Variants in DDOST observed in about 807,000 individuals in gnomAD.
The protein encoded by DDOST is dolichyl-diphosphooligosaccharide--protein glycosyltransferase non-catalytic subunit.
Under a neutral mutation model 47.6 loss-of-function variants are expected in DDOST, and 25 were observed. The observed-to-expected ratio is 0.53, with a 90% confidence interval of 0.38 to 0.73. The LOEUF (loss-of-function observed/expected upper bound fraction) is 0.73, where lower values mean the gene tolerates loss of function less well. DDOST is among the 30% of genes least tolerant of loss of function. DDOST has a pLI of 0.00. For missense variants in DDOST, 526 were observed against 573.9 expected (o/e 0.92, Z 0.85); for synonymous variants, 275 against 236.0 (o/e 1.17, Z -1.51).
At chr1:20,661,100 G>T in intron 1 of DDOST, 97 bp downstream of exon 1, 1 of 1,507,188 alleles carries the variant, frequency 6.6e-7, no homozygotes, top group Non-Finnish European at 9.1e-7. Context: ...CGGGCGGCCT[G>T]CTCCAGGAAA....
In DDOST at chr1:20,661,066, G is replaced by GC. The variant is rs142391409; in HGVS notation, c.155-76dup. ...CCCCTGCTGCAGACATCGCGGACCC[G>GC]CACGCCAAGCGGCAGGCCAGACCCG... On this transcript the variant is annotated intron_variant, in intron 1 of 10. Transcript: ENST00000602624. 1.9e-3 allele frequency: 2,855 copies of GC among 1,471,152 alleles called. 52 individuals are homozygous for GC. In the African/African-American group the frequency reaches 0.035, roughly 18 times the overall value. The allele number at this position is 1,471,152 out of a possible 1,614,324, so 91.1% of individuals were successfully genotyped here. A position where few individuals can be genotyped will look rare whatever the true frequency, so the allele number is the denominator to read the frequency against.
chr1:20,661,320 C>A lies in DDOST; in HGVS notation c.31G>T (p.Ala11Ser), dbSNP rs1265893362. The stretch of plus-strand genomic sequence containing the variant: ...AAGGGCAGCAGCAACCAAAAGAGGG[C>A]CCAAGCCCGGGCCGCGGTGCTGGGC... MEPSTAARAW[A>S]LFWLLLPLLG... The change falls in exon 1 of 11, where the codon GCC becomes TCC. Residue 11 changes from alanine (A) to serine (S), a missense_variant. Ala to Ser is a moderately conservative substitution (Grantham distance 99). Coordinates refer to ENST00000602624, the MANE Select transcript of DDOST (RefSeq NM_005216.5). 6.2e-7 allele frequency: 1 copy of A among 1,613,770 alleles called. No individual in the cohort carries two copies. The highest frequency in any genetic ancestry group is 1.1e-5 in the South Asian group (1 of 91,084).
intron 10 of DDOST, 21 bp downstream of exon 10, chr1:20,652,600 G>A (rs772707199): frequency 6.2e-7 from 1 of 1,614,134 alleles, no homozygotes; most frequent in Non-Finnish European, 8.5e-7. Flanking sequence ...GCTGAAAACA[G>A]AAGCTGTCAC....
intron 8 of DDOST, 132 bp downstream of exon 8, chr1:20,653,495 G>C (rs1267017754): frequency 1.1e-6 from 1 of 911,044 alleles, no homozygotes; most frequent in Non-Finnish European, 1.6e-6. Context: ...GCATGCTTAG[G>C]TGTAGGGATT....
In DDOST at chr1:20,655,767, C is replaced by T. The variant is rs763482311; in HGVS notation, c.365G>A (p.Arg122Gln). ...AATCCCGCACTCACTGCCCAGCTCT[C>T]GAAGAGGGTCACCTGCACAGACCGA... Reference protein sequence around the residue: ...AASSDIGDPLRELGSECGIEF... With the variant: ...AASSDIGDPLQELGSECGIEF... Residue 122 changes from arginine (R) to glutamine (Q), a missense_variant, in exon 4 of 11, where the codon CGA (arginine) becomes CAA (glutamine). Physicochemically the swap from Arg to Gln is conservative, Grantham distance 43. Transcript: ENST00000602624. The T allele has an allele frequency of 1.5e-5, 25 of 1,613,924 alleles. No individual in the cohort carries two copies. Among genetic ancestry groups the T allele is most frequent in the South Asian group, 8.8e-5 (8 of 91,092 alleles).
At position 20,652,639 on chromosome 1, in the gene DDOST, G is replaced by C; in HGVS notation, c.1152C>G (p.His384Gln). The change falls in exon 10 of 11, where the codon CAC becomes CAG. Residue 384 changes from histidine to glutamine, a missense_variant. Transcript: ENST00000602624. ...TGCTTACCTGAGTGGAAGAGTACAG[G>C]TGTGTGTAGCCTAGCCGGTTGTAAT... The part of the protein sequence containing the change: ...KVDYNRLGYT[H>Q]LYSSTQVSVR... 2 of 1,614,206 alleles carry C rather than the reference G, an allele frequency of 1.2e-6. No homozygotes were observed. The highest frequency in any genetic ancestry group is 1.7e-6 in the Non-Finnish European group (2 of 1,180,024).
chr1:20,661,315 G>C lies in DDOST; in HGVS notation c.36C>G (p.Leu12=), dbSNP rs143329944. The change falls in exon 1 of 11, where the codon CTC becomes CTG. Residue 12 remains leucine, a synonymous_variant. Transcript: ENST00000602624. The part of the protein sequence containing the change: ...EPSTAARAWA[L]FWLLLPLLGA... ...CAAGCAAGGGCAGCAGCAACCAAAAGAGGGCCCAAGCCCGGGCCGCGGTGC... is the reference window on the plus strand; with the variant it reads ...CAAGCAAGGGCAGCAGCAACCAAAACAGGGCCCAAGCCCGGGCCGCGGTGC... 1.4e-4 allele frequency: 221 copies of C among 1,613,828 alleles called. 1 individual carries two copies. In the African/African-American group the frequency reaches 2.2e-3, roughly 16 times the overall value.
rs1461006840 is a variant in DDOST, at chr1:20,655,507, T to C, written c.484A>G (p.Asn162Asp). 1 of 1,614,090 alleles carries C rather than the reference T, an allele frequency of 6.2e-7. No individual in the cohort carries two copies. The highest frequency in any genetic ancestry group is 1.1e-5 in the South Asian group (1 of 91,076). ...QHTLIVADTE[N>D]LLKAPTIVGK... ...ACGATGGTTGGGGCCTTCAGCAGGTTCTCAGTGTCAGCCACGATGAGCGTA... is the reference window on the plus strand; with the variant it reads ...ACGATGGTTGGGGCCTTCAGCAGGTCCTCAGTGTCAGCCACGATGAGCGTA... The change falls in exon 5 of 11, where the codon AAC (asparagine) becomes GAC (aspartate). Residue 162 changes from asparagine to aspartate, a missense_variant. Coordinates refer to ENST00000602624, the MANE Select transcript of DDOST (RefSeq NM_005216.5).
At position 20,652,874 on chromosome 1, in the gene DDOST, A is replaced by G. The variant is rs2053311997; in HGVS notation, c.1040T>C (p.Val347Ala). ...QLEFVRIDPF[V>A]RTFLKKKGGK... ...ACCTTTCTTCTTCAGGAAGGTCCTC[A>G]CAAAAGGATCAATGCGGACAAACTC... is the stretch of plus-strand genomic sequence containing the variant. Residue 347 changes from valine to alanine, a missense_variant, in exon 9 of 11, where the codon GTG becomes GCG. Coordinates refer to ENST00000602624, the MANE Select transcript of DDOST (RefSeq NM_005216.5). 1.9e-6 allele frequency: 3 copies of G among 1,614,164 alleles called. No homozygotes were observed. The highest frequency in any genetic ancestry group is 1.3e-5 in the African/African-American group (1 of 75,044).
chr1:20,653,277 T>G (rs1272150261), intron 8 of DDOST, among the ~76,000 whole-genome samples: 1 of 152,234 alleles, frequency 6.6e-6, no homozygotes, highest in Non-Finnish European at 1.5e-5. Context: ...CCAGGCACTT[T>G]CAAGTATTCA....
Position 20,661,178 on chromosome 1 carries a change from C to T in DDOST, c.154+19G>A. The T allele has an allele frequency of 1.2e-6, 2 of 1,611,840 alleles. No homozygotes were observed. Among genetic ancestry groups the T allele is most frequent in the Non-Finnish European group, 1.7e-6 (2 of 1,178,868 alleles). The stretch of plus-strand genomic sequence containing the variant: ...AACCCCAGGCCCCCACACGCTACCC[C>T]CTCGGACCCCGCTCTCACCCTTCAG... On this transcript the variant is annotated intron_variant, in intron 1 of 10. Coordinates refer to ENST00000602624, the MANE Select transcript of DDOST (RefSeq NM_005216.5).
chr1:20,657,274 G>C (rs1453854251), intron 2 of DDOST, among the ~76,000 whole-genome samples: 1 of 152,198 alleles, frequency 6.6e-6, no homozygotes, highest in African/African-American at 2.4e-5. Context: ...GCAGGGCTCT[G>C]CACCCCACAC....
Position 20,652,980 on chromosome 1 carries a change from A to G in DDOST, c.943-9T>C. On this transcript the variant is annotated splice_polypyrimidine_tract_variant and intron_variant, in intron 8 of 10. Coordinates refer to ENST00000602624, the MANE Select transcript of DDOST (RefSeq NM_005216.5). ...ATCACGATGCTATACTCCTGAGATA[A>G]AAGGCCAGGTTAGCCAGGGCTGGCC... is the stretch of plus-strand genomic sequence containing the variant. The G allele has an allele frequency of 6.2e-7, 1 of 1,614,110 alleles. No homozygotes were observed. The highest frequency in any genetic ancestry group is 1.7e-5 in the Admixed American group (1 of 60,030).
At position 20,660,933 on chromosome 1, in the gene DDOST, C is replaced by T. The variant is rs200838967; in HGVS notation, c.213G>A (p.Lys71=). ...GATTGTCATAGAGGAATTCCCCATA[C>T]TTTATGAGAGACAGGCTGGGGTCAT... ...TADDPSLSLI[K]YGEFLYDNLI... The change falls in exon 2 of 11, where the codon AAG becomes AAA. Residue 71 remains lysine, a synonymous_variant. Coordinates refer to ENST00000602624, the MANE Select transcript of DDOST (RefSeq NM_005216.5). The T allele has an allele frequency of 6.2e-7, 1 of 1,614,006 alleles. No individual in the cohort carries two copies. The highest frequency in any genetic ancestry group is 1.3e-5 in the African/African-American group (1 of 75,056).
At chr1:20,654,393 G>A (rs755046561) in intron 6 of DDOST, 22 bp from the exon 7 acceptor site, 3 of 1,554,208 alleles carry the variant, frequency 1.9e-6, no homozygotes, top group Middle Eastern at 1.7e-4. Flanking sequence ...ACGAGGCTGT[G>A]ACCCAAGCAG....
rs2053433075 is a variant in DDOST, at chr1:20,661,357, C to T, written c.-7G>A. The stretch of plus-strand genomic sequence containing the variant: ...CCGCGGTGCTGGGCTCCATCTTCCT[C>T]CTCCTGCCGAAGGACCCAGCACGTG... On this transcript the variant is annotated 5_prime_UTR_variant, in exon 1 of 11. Coordinates refer to ENST00000602624, the MANE Select transcript of DDOST (RefSeq NM_005216.5). 1 of 1,612,836 alleles carries T rather than the reference C, an allele frequency of 6.2e-7. No homozygotes were observed.
intron 8 of DDOST, chr1:20,653,208 C>G: frequency 1.7e-6 from 1 of 585,438 alleles, no homozygotes; most frequent in Non-Finnish European, 3.0e-6. Context: ...GATTCCTTCA[C>G]ACAGTATTCA....
chr1:20,655,561 T>C, intron 4 of DDOST, 27 bp from the exon 5 acceptor site: 1 of 1,610,094 alleles, frequency 6.2e-7, no homozygotes, highest in South Asian at 1.1e-5. Flanking sequence ...GAAAGGTGGG[T>C]GGTCAGGAAA....
At chr1:20,657,172 C>T (rs757728086) in intron 2 of DDOST, among the ~76,000 whole-genome samples, 10 of 152,258 alleles carry the variant, frequency 6.6e-5, no homozygotes, top group Middle Eastern at 3.4e-3. Flanking sequence ...GGGGTGGGCA[C>T]GGTCACCAGC....
Sources: gnomAD v4.1 joint callset for allele counts (sites outside exome capture counted in the v4.1 genomes callset) on GRCh38, gnomAD v4.1.1 for gene constraint, MANE v1.5 for transcripts, NCBI Gene and HGNC (gene_info 2026-07-23, HGNC 2026-07-21) for gene names.